The following UBL3 variants were observed in gnomAD, a reference collection of about 807,000 sequenced individuals.
UBL3 encodes the protein ubiquitin like 3.
Under a neutral mutation model 18.4 loss-of-function variants are expected in UBL3, and 6 were observed. The ratio of observed to expected loss-of-function variants is 0.33; its 90% CI spans 0.18 to 0.64. UBL3 has a LOEUF of 0.64. UBL3 is among the 30% of genes least tolerant of loss of function. The pLI is 0.76. For synonymous variants in UBL3, 49 were observed against 46.6 expected (o/e 1.05, Z -0.21); for missense variants, 109 against 142.9 (o/e 0.76, Z 1.21).
At chr13:29,849,322 T>C (rs1183252096) in intron 1 of UBL3, among the ~76,000 whole-genome samples, 190 bp downstream of exon 1, 1 of 152,182 alleles carries the variant, frequency 6.6e-6, no homozygotes, top group Non-Finnish European at 1.5e-5. Flanking sequence ...CACGACCAAA[T>C]GAGAGAACCC....
At chr13:29,788,866 TGTGTGCGCGCGCGCGC>T (rs1877400807) in intron 1 of UBL3, among the ~76,000 whole-genome samples, 2 of 32,246 alleles carry the variant, frequency 6.2e-5, no homozygotes, top group Non-Finnish European at 8.9e-5. Flanking sequence ...TGTGTGTGTG[TGTGTGCGCGCGCGCGC>T]GCACGCGCAC....
At chr13:29,829,952 T>C (rs930432877) in intron 1 of UBL3, among the ~76,000 whole-genome samples, 4 of 152,270 alleles carry the variant, frequency 2.6e-5, no homozygotes, top group Non-Finnish European at 5.9e-5. Context: ...ACATATACTA[T>C]GTTTTCAAAC....
At position 29,849,660 on chromosome 13, in the gene UBL3, C is replaced by T; in HGVS notation, c.-122G>A. ...CTGGTTCGTGATGTGCTTTCTCCCC[C>T]AAAAATAAAGTTATTTTGGAGCCAA... On this transcript the variant is annotated 5_prime_UTR_variant, in exon 1 of 5. Coordinates refer to ENST00000380680, the MANE Select transcript of UBL3 (RefSeq NM_007106.4). 2 of 1,325,446 alleles carry T rather than the reference C, an allele frequency of 1.5e-6. No homozygotes were observed. The highest frequency in any genetic ancestry group is 2.5e-5 in the South Asian group (2 of 81,564). 82.1% of individuals were successfully genotyped at this position (1,325,446 alleles called of 1,614,324 possible).
chr13:29,781,716 G>A (rs1442555753), intron 1 of UBL3, among the ~76,000 whole-genome samples: 1 of 151,260 alleles, frequency 6.6e-6, no homozygotes, highest in East Asian at 1.9e-4. Flanking sequence ...AGGTGCAGTA[G>A]CTCACGGCTG....
intron 2 of UBL3, among the ~76,000 whole-genome samples, chr13:29,774,869 T>C (rs143798207): frequency 7.2e-5 from 11 of 152,272 alleles, no homozygotes; most frequent in Admixed American, 2.0e-4. Context: ...AAGTGCAGCC[T>C]TGGGGTTTTA....
intron 1 of UBL3, among the ~76,000 whole-genome samples, chr13:29,814,651 C>G (rs1373463810): frequency 6.6e-6 from 1 of 152,054 alleles, no homozygotes; most frequent in Admixed American, 6.6e-5. Flanking sequence ...CCATGCTGTC[C>G]CAGCACATAA....
intron 1 of UBL3, among the ~76,000 whole-genome samples, chr13:29,787,278 G>A (rs770489704): frequency 6.6e-6 from 1 of 152,122 alleles, no homozygotes; most frequent in Non-Finnish European, 1.5e-5. Flanking sequence ...TTAGTGCCCA[G>A]CACGTAAGTC....
intron 1 of UBL3, among the ~76,000 whole-genome samples, chr13:29,809,241 G>A (rs1877976119): frequency 6.6e-6 from 1 of 152,114 alleles, no homozygotes; most frequent in Non-Finnish European, 1.5e-5. Context: ...AACCTGGGGA[G>A]AGGGAGCTTG....
intron 1 of UBL3, among the ~76,000 whole-genome samples, chr13:29,835,176 A>C (rs1190849626): frequency 2.6e-5 from 2 of 76,976 alleles, no homozygotes; most frequent in South Asian, 4.9e-4. Context: ...ATATATATAT[A>C]TATATATATC....
At chr13:29,785,265 G>T (rs1877281390) in intron 1 of UBL3, among the ~76,000 whole-genome samples, 2 of 152,118 alleles carry the variant, frequency 1.3e-5, no homozygotes, top group African/African-American at 4.8e-5. Flanking sequence ...GTTACCATTA[G>T]GGAAAACTGG....
chr13:29,777,351 T>C (rs1877027438), intron 1 of UBL3, 88 bp from the exon 2 acceptor site: 1 of 1,001,500 alleles, frequency 1.0e-6, no homozygotes. Context: ...TTCAATCACA[T>C]CCTAAATTAT....
intron 3 of UBL3, among the ~76,000 whole-genome samples, chr13:29,768,635 T>C (rs1158861186): frequency 6.6e-6 from 1 of 152,068 alleles, no homozygotes. Context: ...TCTTCAACAC[T>C]AGTACTATTT....
intron 1 of UBL3, among the ~76,000 whole-genome samples, chr13:29,843,406 T>G (rs1052072377): frequency 6.6e-6 from 1 of 152,158 alleles, no homozygotes; most frequent in Admixed American, 6.5e-5. Flanking sequence ...ATTAAATATA[T>G]CTCCATTTTT....
At chr13:29,813,353 A>C (rs1477226424) in intron 1 of UBL3, among the ~76,000 whole-genome samples, 1 of 152,014 alleles carries the variant, frequency 6.6e-6, no homozygotes, top group Non-Finnish European at 1.5e-5. Context: ...TTTCTTCTTG[A>C]AAGTCATAAA....
chr13:29,798,879 C>A (rs1381581714), intron 1 of UBL3, among the ~76,000 whole-genome samples: 1 of 152,112 alleles, frequency 6.6e-6, no homozygotes, highest in Non-Finnish European at 1.5e-5. Context: ...GTATGTGTTG[C>A]CTGCTTACCA....
chr13:29,773,861 G>C (rs967432316), intron 2 of UBL3, among the ~76,000 whole-genome samples: 15 of 151,996 alleles, frequency 9.9e-5, no homozygotes, highest in Non-Finnish European at 1.0e-4. Flanking sequence ...ATAGCAGAAG[G>C]GTATGCTAAG....
intron 1 of UBL3, among the ~76,000 whole-genome samples, chr13:29,789,488 A>T (rs1877428504): frequency 1.3e-5 from 2 of 152,200 alleles, no homozygotes; most frequent in Admixed American, 1.3e-4. Flanking sequence ...AGTGTGTTCA[A>T]GATTGTTCTA....
chr13:29,816,755 A>C (rs1427395743), intron 1 of UBL3, among the ~76,000 whole-genome samples: 3 of 70,802 alleles, frequency 4.2e-5, no homozygotes, highest in African/African-American at 1.6e-4. Flanking sequence ...ACCCTGTCTC[A>C]AAAAAAAAAA....
intron 1 of UBL3, among the ~76,000 whole-genome samples, chr13:29,791,078 T>C (rs911569909): frequency 6.6e-6 from 1 of 152,214 alleles, no homozygotes; most frequent in Non-Finnish European, 1.5e-5. Context: ...AAACTGAACT[T>C]ATTTCTTAAC....
Sources: gnomAD v4.1 joint callset for allele counts (sites outside exome capture counted in the v4.1 genomes callset) on GRCh38, gnomAD v4.1.1 for gene constraint, MANE v1.5 for transcripts, NCBI Gene and HGNC (gene_info 2026-07-23, HGNC 2026-07-21) for gene names.